The following HIP1 variants were observed in gnomAD, a reference collection of about 807,000 sequenced individuals.
HIP1 encodes huntingtin-interacting protein 1.
In HIP1, 65 loss-of-function variants were observed where a neutral mutation model predicts 147.6. The observed-to-expected ratio is 0.44, with a 90% confidence interval of 0.36 to 0.54. The LOEUF (loss-of-function observed/expected upper bound fraction) is 0.54. Among genes scored for constraint, HIP1 ranks in the 20% least tolerant of loss-of-function variants. The pLI is 0.00. For missense variants in HIP1, 1,061 were observed against 1,299.6 expected, an observed-to-expected ratio of 0.82 and a Z score of 2.82; for synonymous variants, 479 against 504.0, an observed-to-expected ratio of 0.95 and a Z score of 0.67.
At position 75,542,949 on chromosome 7, in the gene HIP1, T is replaced by G. The variant is rs1584772497; in HGVS notation, c.2792A>C (p.Asn931Thr). The G allele has an allele frequency of 1.9e-6, 3 of 1,613,686 alleles. No homozygotes were observed. The highest frequency in any genetic ancestry group is 2.5e-6 in the Non-Finnish European group (3 of 1,179,840). Reference protein sequence around the residue: ...SKVKADKDSPNLAQLQQASRG... With the variant: ...SKVKADKDSPTLAQLQQASRG... The stretch of plus-strand genomic sequence containing the variant: ...AGAGGCCTGCTGCAGCTGGGCTAGG[T>G]TGGGGCTGTCCTTATCAGCTTTCAC... The change falls in exon 28 of 31, where the codon AAC (asparagine) becomes ACC (threonine). Residue 931 changes from asparagine (N) to threonine (T), a missense_variant. By Grantham distance (65) the Asn-to-Thr change is moderately conservative. Transcript: ENST00000336926.
intron 1 of HIP1, among the ~76,000 whole-genome samples, chr7:75,652,933 A>C (rs1316634033): frequency 6.6e-6 from 1 of 152,156 alleles, no homozygotes; most frequent in African/African-American, 2.4e-5. Flanking sequence ...TGCAAACAGA[A>C]GCTCCCAGCA....
intron 1 of HIP1, among the ~76,000 whole-genome samples, chr7:75,667,696 G>A (rs1799605092): frequency 6.6e-6 from 1 of 152,156 alleles, no homozygotes; most frequent in South Asian, 2.1e-4. Flanking sequence ...TCACTATGTT[G>A]CCCAGATTGG....
intron 1 of HIP1, among the ~76,000 whole-genome samples, chr7:75,671,663 A>T (rs1373330652): frequency 1.3e-5 from 2 of 152,084 alleles, no homozygotes; most frequent in African/African-American, 4.8e-5. Context: ...GCATCGTACC[A>T]TTTTATATTC....
intron 1 of HIP1, among the ~76,000 whole-genome samples, chr7:75,682,144 A>C (rs1800104509): frequency 6.7e-6 from 1 of 148,264 alleles, no homozygotes; most frequent in African/African-American, 2.5e-5. Flanking sequence ...TTTTTAGTAC[A>C]GATGGGGTTT....
chr7:75,679,727 GGTA>G (rs1800004689), intron 1 of HIP1, among the ~76,000 whole-genome samples: 1 of 151,946 alleles, frequency 6.6e-6, no homozygotes, highest in Non-Finnish European at 1.5e-5. Context: ...GCGTCCTCAA[GGTA>G]GACCCAGCCC....
chr7:75,541,890 C>A (rs782299228), intron 29 of HIP1, 29 bp downstream of exon 29: 2 of 1,516,182 alleles, frequency 1.3e-6, no homozygotes, highest in Non-Finnish European at 1.8e-6. Context: ...GCAATAGAGG[C>A]TATCTAGACT....
At chr7:75,715,604 T>C (rs1801292888) in intron 1 of HIP1, among the ~76,000 whole-genome samples, 1 of 150,782 alleles carries the variant, frequency 6.6e-6, no homozygotes, top group South Asian at 2.1e-4. Flanking sequence ...AAACCTCATC[T>C]CTACTAAAAA....
chr7:75,721,703 T>G (rs1801508869), intron 1 of HIP1, among the ~76,000 whole-genome samples: 1 of 152,134 alleles, frequency 6.6e-6, no homozygotes, highest in Non-Finnish European at 1.5e-5. Context: ...CAGAAGTAAC[T>G]AATTGCAAAA....
chr7:75,718,456 T>C (rs913027050), intron 1 of HIP1, among the ~76,000 whole-genome samples: 12 of 152,194 alleles, frequency 7.9e-5, no homozygotes, highest in Non-Finnish European at 5.9e-5. Flanking sequence ...ATGCTGTTTT[T>C]TGGTAACAAG....
chr7:75,551,698 T>C (rs1044249108), intron 22 of HIP1, among the ~76,000 whole-genome samples: 6 of 151,498 alleles, frequency 4.0e-5, no homozygotes, highest in Non-Finnish European at 8.8e-5. Context: ...GCCTCCTGAG[T>C]AGCTGGGACC....
At chr7:75,543,062 C>T in intron 27 of HIP1, 88 bp from the exon 28 acceptor site, 1 of 1,397,188 alleles carries the variant, frequency 7.2e-7, no homozygotes, top group Non-Finnish European at 9.7e-7. Context: ...TCTTAGCAAA[C>T]ATATGTGGGC....
intron 6 of HIP1, among the ~76,000 whole-genome samples, chr7:75,581,553 C>T (rs587673072): frequency 9.9e-4 from 150 of 152,120 alleles, no homozygotes; most frequent in Admixed American, 2.6e-3. Flanking sequence ...CCGAGGTGGG[C>T]GGATCACCTG....
chr7:75,732,366 G>T (rs1554523140), intron 1 of HIP1, among the ~76,000 whole-genome samples: 3 of 151,738 alleles, frequency 2.0e-5, no homozygotes. Context: ...TTTGTTTCTG[G>T]CTTTTTTTGT....
chr7:75,619,406 A>T (rs1797768389), intron 1 of HIP1, among the ~76,000 whole-genome samples: 1 of 151,666 alleles, frequency 6.6e-6, no homozygotes. Flanking sequence ...GCCTGCTGTA[A>T]TCCCAGCTAC....
chr7:75,600,505 C>G (rs1554502783), intron 1 of HIP1, among the ~76,000 whole-genome samples: 1 of 152,162 alleles, frequency 6.6e-6, no homozygotes, highest in African/African-American at 2.4e-5. Flanking sequence ...AGGCTGTTTT[C>G]TTAGGTACAG....
intron 1 of HIP1, among the ~76,000 whole-genome samples, chr7:75,648,358 C>A (rs1430233451): frequency 6.6e-6 from 1 of 151,726 alleles, no homozygotes; most frequent in African/African-American, 2.4e-5. Context: ...GTTGGAGTAG[C>A]TGGGTCTGGT....
chr7:75,716,134 G>C (rs1801310640), intron 1 of HIP1, among the ~76,000 whole-genome samples: 1 of 152,062 alleles, frequency 6.6e-6, no homozygotes, highest in Non-Finnish European at 1.5e-5. Flanking sequence ...AGATTTGGTG[G>C]AGACAAATAT....
intron 7 of HIP1, among the ~76,000 whole-genome samples, chr7:75,575,670 C>T (rs1795819786): frequency 6.6e-6 from 1 of 152,090 alleles, no homozygotes; most frequent in Admixed American, 6.6e-5. Context: ...CCTCCTGCCC[C>T]CCATCCTAGA....
intron 22 of HIP1, among the ~76,000 whole-genome samples, chr7:75,551,504 C>T (rs1794782445): frequency 6.7e-6 from 1 of 149,602 alleles, no homozygotes; most frequent in Admixed American, 6.7e-5. Context: ...CGTGAGCCAC[C>T]ACACCTGGCC....
Sources: gnomAD v4.1 joint callset for allele counts (sites outside exome capture counted in the v4.1 genomes callset) on GRCh38, gnomAD v4.1.1 for gene constraint, MANE v1.5 for transcripts, NCBI Gene and HGNC (gene_info 2026-07-23, HGNC 2026-07-21) for gene names.